RETREG1: variants seen among roughly 807,000 people sequenced by gnomAD.
RETREG1 encodes family with sequence similarity 134 member B.
Under a neutral mutation model 54.8 loss-of-function variants are expected in RETREG1, and 44 were observed. The observed-to-expected ratio is 0.80, with a 90% CI of 0.63 to 1.03. RETREG1 has a LOEUF of 1.03. Ranked by LOEUF, RETREG1 falls within the 50% of genes least tolerant of loss-of-function variation. RETREG1 has a pLI of 0.00. For synonymous variants in RETREG1, 217 were observed against 238.5 expected (o/e 0.91, Z 0.83); for missense variants, 554 against 605.1 (o/e 0.92, Z 0.89).
At chr5:16,534,970 A>G (rs542754150) in intron 3 of RETREG1, among the ~76,000 whole-genome samples, 1 of 152,356 alleles carries the variant, frequency 6.6e-6, no homozygotes, top group South Asian at 2.1e-4. Context: ...TAAGAGAAAC[A>G]TGCTGTCTGC....
In RETREG1 at chr5:16,538,615, C is replaced by A. The variant is rs140419611; in HGVS notation, c.458+27148G>T. Among the ~76,000 whole-genome samples, 1,031 of 152,226 alleles carry A rather than the reference C, an allele frequency of 6.8e-3. 5 individuals carry two copies. The highest frequency in any genetic ancestry group is 8.5e-3 in the Non-Finnish European group (575 of 67,998). ...ACGATGTCCCTGCCTCTCAGTGCAA[C>A]CACAGACCTACCAAGACACCATGTA... On this transcript the variant is annotated intron_variant, in intron 3 of 8. Transcript: ENST00000306320.
At position 16,609,462 on chromosome 5, in the gene RETREG1, C is replaced by T. The variant is rs185783348; in HGVS notation, c.320+7190G>A. On this transcript the variant is annotated intron_variant, in intron 1 of 8. Transcript: ENST00000306320. ...TTACTTATTTTTAAGAGTCTAACAA[C>T]CAGCGATAGTAGCATCTGTAAAAGG... Among the ~76,000 whole-genome samples, 23 of 152,232 alleles carry T rather than the reference C, an allele frequency of 1.5e-4. No homozygotes were observed. In the South Asian group the frequency reaches 2.5e-3, roughly 16 times the overall value.
chr5:16,573,737 TTTTTG>T (rs1742249518), intron 1 of RETREG1, among the ~76,000 whole-genome samples: 2 of 142,446 alleles, frequency 1.4e-5, no homozygotes, highest in African/African-American at 2.6e-5. Flanking sequence ...GTTTGTTTGT[TTTTTG>T]TTTTTTTTTT....
At position 16,480,968 on chromosome 5, in the gene RETREG1, T is replaced by C. The variant is rs199747210; in HGVS notation, c.670+41A>G. The C allele has an allele frequency of 9.3e-5, 122 of 1,315,302 alleles. 2 individuals carry two copies. The East Asian group carries it at 2.0e-3, about 22-fold the overall frequency. The allele number at this position is 1,315,302 out of a possible 1,614,324, so 81.5% of individuals were successfully genotyped here. Reference sequence around the variant, plus strand: ...GTCTGTTGACCGTAAGGTGATACCATATGCATCACAACACTTAGCCATATG... The same window carrying C: ...GTCTGTTGACCGTAAGGTGATACCACATGCATCACAACACTTAGCCATATG... On this transcript the variant is annotated intron_variant, in intron 5 of 8. Coordinates refer to ENST00000306320, the MANE Select transcript of RETREG1 (RefSeq NM_001034850.3).
intron 3 of RETREG1, among the ~76,000 whole-genome samples, chr5:16,542,458 C>G (rs1741277115): frequency 6.6e-6 from 1 of 151,224 alleles, no homozygotes; most frequent in African/African-American, 2.5e-5. Flanking sequence ...AACCTGTTTT[C>G]CTCCAACCAA....
intron 3 of RETREG1, among the ~76,000 whole-genome samples, chr5:16,486,190 T>A (rs1285617576): frequency 6.6e-6 from 1 of 152,204 alleles, no homozygotes; most frequent in Non-Finnish European, 1.5e-5. Context: ...CAAATGGGTT[T>A]GTAAAGAGTA....
intron 3 of RETREG1, among the ~76,000 whole-genome samples, chr5:16,564,572 T>C (rs1741956646): frequency 6.6e-6 from 1 of 152,216 alleles, no homozygotes; most frequent in Non-Finnish European, 1.5e-5. Context: ...TTAACCTGCC[T>C]ATGCGCAGCA....
In RETREG1 at chr5:16,506,477, G is replaced by GTT. The variant is rs34135867; in HGVS notation, c.459-23007_459-23006dup. Among the ~76,000 whole-genome samples the GTT allele has an allele frequency of 3.6e-3, 526 of 144,494 alleles. 3 individuals carry two copies. Among genetic ancestry groups the GTT allele is most frequent in the Middle Eastern group, 0.011 (3 of 274 alleles). 94.8% of individuals were successfully genotyped at this position (144,494 alleles called of 152,430 possible). A position where few individuals can be genotyped will look rare whatever the true frequency, so the allele number is the denominator to read the frequency against. On this transcript the variant is annotated intron_variant, in intron 3 of 8. Transcript: ENST00000306320. Reference sequence around the variant, plus strand: ...TCCATTGCAATCTTTTTGTTTTTTTGTTTTTTTTTTTTTTGAGACAGGGTC... The same window carrying GTT: ...TCCATTGCAATCTTTTTGTTTTTTTGTTTTTTTTTTTTTTTTGAGACAGGGTC...
chr5:16,591,955 A>G (rs1742787108), intron 1 of RETREG1, among the ~76,000 whole-genome samples: 2 of 152,234 alleles, frequency 1.3e-5, no homozygotes, highest in Non-Finnish European at 2.9e-5. Context: ...AGCAACAAGA[A>G]AAGAAAATGC....
chr5:16,529,077 G>A (rs1304911013), intron 3 of RETREG1, among the ~76,000 whole-genome samples: 4 of 152,056 alleles, frequency 2.6e-5, no homozygotes, highest in African/African-American at 9.7e-5. Context: ...CTCACTTTAG[G>A]TATTTTCAAA....
chr5:16,554,696 A>G (rs895346797), intron 3 of RETREG1, among the ~76,000 whole-genome samples: 16 of 152,238 alleles, frequency 1.1e-4, no homozygotes, highest in South Asian at 4.1e-4. Flanking sequence ...TTTTTGATAC[A>G]AAATTAACAA....
At chr5:16,484,551 A>G (rs1390903406) in intron 3 of RETREG1, among the ~76,000 whole-genome samples, 1 of 152,176 alleles carries the variant, frequency 6.6e-6, no homozygotes, top group Non-Finnish European at 1.5e-5. Flanking sequence ...TGATCTCTGG[A>G]TTCAATTCCA....
chr5:16,569,825 A>G (rs1206452601), intron 2 of RETREG1, among the ~76,000 whole-genome samples: 2 of 152,230 alleles, frequency 1.3e-5, no homozygotes, highest in South Asian at 2.1e-4. Flanking sequence ...CCCAAATGCA[A>G]TCGTAAGTGT....
chr5:16,498,690 C>A (rs562355516), intron 3 of RETREG1, among the ~76,000 whole-genome samples: 1 of 152,234 alleles, frequency 6.6e-6, no homozygotes, highest in East Asian at 1.9e-4. Flanking sequence ...CCAGCCTGGG[C>A]AACACAGAGA....
At chr5:16,557,784 C>T (rs549942716) in intron 3 of RETREG1, among the ~76,000 whole-genome samples, 6 of 152,224 alleles carry the variant, frequency 3.9e-5, no homozygotes, top group South Asian at 4.2e-4. Context: ...TTACTTATAA[C>T]GCGTATGTCC....
chr5:16,616,672 G>A lies in RETREG1; in HGVS notation c.300C>T (p.Val100=). 5.6e-6 allele frequency: 9 copies of A among 1,596,132 alleles called. No homozygotes were observed. The highest frequency in any genetic ancestry group is 1.1e-5 in the South Asian group (1 of 89,838). Residue 100 remains valine, a synonymous_variant, in exon 1 of 9, where the codon GTC becomes GTT. Coordinates refer to ENST00000306320, the MANE Select transcript of RETREG1 (RefSeq NM_001034850.3). ...KRPLRSLLGF[V]AANLLFWFLA... Reference sequence around the variant, plus strand: ...CTCACCAGAACAGCAGGTTGGCAGCGACGAAGCCGAGCAGGCTCCGCAGCG... The same window carrying A: ...CTCACCAGAACAGCAGGTTGGCAGCAACGAAGCCGAGCAGGCTCCGCAGCG...
chr5:16,537,670 C>T (rs1267941262), intron 3 of RETREG1, among the ~76,000 whole-genome samples: 1 of 152,126 alleles, frequency 6.6e-6, no homozygotes, highest in Admixed American at 6.5e-5. Context: ...TGCACTCCAG[C>T]CTGGGGACAG....
chr5:16,497,691 G>A (rs1739521453), intron 3 of RETREG1, among the ~76,000 whole-genome samples: 2 of 152,118 alleles, frequency 1.3e-5, no homozygotes, highest in African/African-American at 4.8e-5. Flanking sequence ...CCTCATCTCG[G>A]GATAGGCATG....
rs368301020 is a variant in RETREG1, at chr5:16,491,793, C to T, written c.459-8321G>A. ...ATCCCAGCACTTTGGGAGACAAAGGCGGGAGTATCCCTTGATCCCCAGAGT... is the reference window on the plus strand; with the variant it reads ...ATCCCAGCACTTTGGGAGACAAAGGTGGGAGTATCCCTTGATCCCCAGAGT... On this transcript the variant is annotated intron_variant, in intron 3 of 8. Coordinates refer to ENST00000306320, the MANE Select transcript of RETREG1 (RefSeq NM_001034850.3). Among the ~76,000 whole-genome samples the T allele has an allele frequency of 4.6e-5, 7 of 152,146 alleles. No individual in the cohort carries two copies. In the East Asian group the frequency reaches 7.7e-4, roughly 17 times the overall value.
Sources: allele counts gnomAD v4.1 joint callset (sites outside exome capture counted in the v4.1 genomes callset), GRCh38; gene constraint gnomAD v4.1.1; transcripts MANE v1.5; gene names NCBI Gene and HGNC (gene_info 2026-07-23, HGNC 2026-07-21).